Variants in MARCHF1 observed in about 807,000 individuals in gnomAD.
MARCHF1 encodes the protein membrane associated ring-CH-type finger 1, also known as E3 ubiquitin-protein ligase MARCHF1.
A neutral mutation model predicts 54.2 loss-of-function variants in MARCHF1; 40 were observed. The observed-to-expected ratio is 0.74, with a 90% CI of 0.57 to 0.96. The LOEUF is 0.96. Ranked by LOEUF, MARCHF1 falls within the 40% of genes least tolerant of loss-of-function variation. The probability of loss-of-function intolerance (pLI) is 0.00; values close to 1 mark genes in which losing one functional copy is unlikely to be tolerated. For synonymous variants in MARCHF1, 236 were observed against 236.3 expected, an observed-to-expected ratio of 1.00 and a Z score of 0.01; for missense variants, 586 against 656.5, an observed-to-expected ratio of 0.89 and a Z score of 1.17.
chr4:164,284,180 T>C lies in MARCHF1; in HGVS notation c.-323+99690A>G, dbSNP rs1022056377. ...TGGGTAGGGAGAAAATACATATTTTTAGTTTGAATGTGATACTGGATTGTT... is the reference window on the plus strand; with the variant it reads ...TGGGTAGGGAGAAAATACATATTTTCAGTTTGAATGTGATACTGGATTGTT... On this transcript the variant is annotated intron_variant, in intron 1 of 9. Transcript: ENST00000514618. 1.8e-4 allele frequency among the ~76,000 whole-genome samples: 27 copies of C among 151,180 alleles called. 2 individuals are homozygous for C. The South Asian group carries it at 4.0e-3, about 22-fold the overall frequency.
intron 4 of MARCHF1, among the ~76,000 whole-genome samples, chr4:163,852,502 T>C (rs965208644): frequency 6.6e-6 from 1 of 152,210 alleles, no homozygotes; most frequent in Non-Finnish European, 1.5e-5. Flanking sequence ...TGTTAACTCA[T>C]GCCCCACAGT....
chr4:164,226,381 T>C (rs1247827664), intron 1 of MARCHF1, among the ~76,000 whole-genome samples: 7 of 151,536 alleles, frequency 4.6e-5, no homozygotes, highest in African/African-American at 1.2e-4. Context: ...TTTACACAGA[T>C]AAAAATAAGT....
intron 4 of MARCHF1, among the ~76,000 whole-genome samples, chr4:163,704,947 A>G (rs1744908062): frequency 6.6e-6 from 1 of 151,700 alleles, no homozygotes; most frequent in African/African-American, 2.4e-5. Context: ...AAATGATATC[A>G]GAAATGATAC....
At chr4:163,797,256 T>A (rs1747943219) in intron 4 of MARCHF1, among the ~76,000 whole-genome samples, 1 of 152,094 alleles carries the variant, frequency 6.6e-6, no homozygotes, top group African/African-American at 2.4e-5. Flanking sequence ...TTGTAAGTGA[T>A]CTGTCTTTTC....
Position 164,229,714 on chromosome 4 carries a change from T to C in MARCHF1, c.-322-118052A>G, listed in dbSNP as rs143376259. 9.9e-5 allele frequency among the ~76,000 whole-genome samples: 15 copies of C among 152,164 alleles called. No individual in the cohort carries two copies. In the East Asian group the frequency reaches 1.2e-3, roughly 12 times the overall value. ...GTTTCTGGGGAGGCCTCAGGAAACA[T>C]AAAATCATGGCAGAAGGCGAAGGGG... On this transcript the variant is annotated intron_variant, in intron 1 of 9. Coordinates refer to ENST00000514618, the MANE Select transcript of MARCHF1 (RefSeq NM_001394959.1).
chr4:163,784,964 C>T (rs888562818), intron 4 of MARCHF1, among the ~76,000 whole-genome samples: 4 of 152,064 alleles, frequency 2.6e-5, no homozygotes, highest in African/African-American at 9.7e-5. Flanking sequence ...ATCTGTAGGC[C>T]TCTCAACCTC....
chr4:163,713,800 C>T (rs1263329003), intron 4 of MARCHF1, among the ~76,000 whole-genome samples: 1 of 152,180 alleles, frequency 6.6e-6, no homozygotes, highest in Admixed American at 6.5e-5. Context: ...AACAGGATGT[C>T]TGCCTCAGAC....
chr4:163,670,782 T>C (rs1036198255), intron 5 of MARCHF1, among the ~76,000 whole-genome samples: 1 of 152,234 alleles, frequency 6.6e-6, no homozygotes. Context: ...GAGCCGGGAA[T>C]ACAATACTTA....
chr4:164,359,237 G>A (rs2110919214), intron 1 of MARCHF1, among the ~76,000 whole-genome samples: 2 of 152,294 alleles, frequency 1.3e-5, no homozygotes, highest in South Asian at 2.1e-4. Context: ...GTGTGTGGTA[G>A]TTCTGAGAGA....
intron 3 of MARCHF1, among the ~76,000 whole-genome samples, chr4:163,873,792 C>A (rs1238533890): frequency 6.6e-6 from 1 of 152,166 alleles, no homozygotes; most frequent in Non-Finnish European, 1.5e-5. Context: ...TCCTTTTTGT[C>A]CAAGCCAACT....
At chr4:163,543,468 A>G (rs1317561032) in intron 9 of MARCHF1, among the ~76,000 whole-genome samples, 2 of 151,498 alleles carry the variant, frequency 1.3e-5, no homozygotes, top group Admixed American at 1.3e-4. Flanking sequence ...GTGGTAGGGG[A>G]TTATGCATTG....
intron 3 of MARCHF1, among the ~76,000 whole-genome samples, chr4:163,867,851 G>A (rs987721068): frequency 3.0e-5 from 4 of 132,142 alleles, no homozygotes; most frequent in East Asian, 2.2e-4. Context: ...CTTATTCTTC[G>A]GGTGAGTAGT....
At chr4:163,907,989 C>T (rs941984618) in intron 3 of MARCHF1, among the ~76,000 whole-genome samples, 1 of 152,084 alleles carries the variant, frequency 6.6e-6, no homozygotes. Context: ...ACTCAAGTGG[C>T]TACATATAGC....
At chr4:164,123,684 A>C (rs562939401) in intron 1 of MARCHF1, among the ~76,000 whole-genome samples, 1 of 152,312 alleles carries the variant, frequency 6.6e-6, no homozygotes, top group East Asian at 1.9e-4. Context: ...AGATGCCAAG[A>C]ACATACACTG....
chr4:164,012,005 G>A (rs985361744), intron 2 of MARCHF1, among the ~76,000 whole-genome samples: 7 of 152,162 alleles, frequency 4.6e-5, no homozygotes, highest in African/African-American at 1.4e-4. Flanking sequence ...GAGTGCTCAC[G>A]GAGGGAGCAC....
In MARCHF1 at chr4:163,612,418, G is replaced by A; in HGVS notation, c.863C>T (p.Thr288Ile). Residue 288 changes from threonine to isoleucine, a missense_variant, in exon 7 of 10, where the codon ACA becomes ATA. Transcript: ENST00000514618. The stretch of plus-strand genomic sequence containing the variant: ...AGTGCTGGAATCTGTTTCTGAAAAT[G>A]TCTTCTTCATTATTTCATTTTTCCT... ...SLRKNEIMKK[T>I]FSETDSSTEI... 1 of 1,535,382 alleles carries A rather than the reference G, an allele frequency of 6.5e-7. No individual in the cohort carries two copies. The highest frequency in any genetic ancestry group is 8.7e-7 in the Non-Finnish European group (1 of 1,146,470).
chr4:164,158,371 G>A (rs1417511442), intron 1 of MARCHF1, among the ~76,000 whole-genome samples: 1 of 152,112 alleles, frequency 6.6e-6, no homozygotes, highest in Non-Finnish European at 1.5e-5. Flanking sequence ...GTCAGGTGTG[G>A]TGGCTCATGC....
At chr4:163,903,777 A>G (rs1750993631) in intron 3 of MARCHF1, among the ~76,000 whole-genome samples, 1 of 151,894 alleles carries the variant, frequency 6.6e-6, no homozygotes, top group South Asian at 2.1e-4. Flanking sequence ...CACGCCAGCT[A>G]ATTTTTTTGT....
intron 1 of MARCHF1, among the ~76,000 whole-genome samples, chr4:164,137,257 G>T (rs1251238383): frequency 5.3e-5 from 8 of 152,052 alleles, no homozygotes; most frequent in Admixed American, 1.3e-4. Flanking sequence ...AAAATTGTCA[G>T]GATTTTCCTA....
Sources: gnomAD v4.1 joint callset for allele counts (sites outside exome capture counted in the v4.1 genomes callset) on GRCh38, gnomAD v4.1.1 for gene constraint, MANE v1.5 for transcripts, NCBI Gene and HGNC (gene_info 2026-07-23, HGNC 2026-07-21) for gene names.